APLF: variants seen among roughly 807,000 people sequenced by gnomAD.
APLF encodes aprataxin and PNKP like factor, also known as aprataxin and PNK-like factor.
In APLF, 61 loss-of-function variants were observed where a neutral mutation model predicts 55.6. That is an observed-to-expected ratio of 1.10 (90% CI 0.89 to 1.36). The LOEUF (loss-of-function observed/expected upper bound fraction) is 1.36, where lower values mean the gene tolerates loss of function less well. Among genes scored for constraint, APLF ranks in the 40% most tolerant of loss-of-function variants. APLF has a pLI of 0.00. For missense variants in APLF, 611 were observed against 602.5 expected (o/e 1.01, Z -0.15); for synonymous variants, 207 against 214.8 (o/e 0.96, Z 0.32).
At chr2:68,491,639 TA>T (rs1341633160) in intron 2 of APLF, among the ~76,000 whole-genome samples, 1 of 152,206 alleles carries the variant, frequency 6.6e-6, no homozygotes, top group Non-Finnish European at 1.5e-5. Flanking sequence ...ATTTTTTATT[TA>T]TATAGATTTA....
rs58837839 is a variant in APLF, at chr2:68,511,199, T to G, written c.342-1881T>G. Among the ~76,000 whole-genome samples, 1,413 of 151,872 alleles carry G rather than the reference T, an allele frequency of 9.3e-3. 16 individuals carry two copies. The highest frequency in any genetic ancestry group is 0.032 in the African/African-American group (1,319 of 41,510). On this transcript the variant is annotated intron_variant, in intron 3 of 9. Coordinates refer to ENST00000303795, the MANE Select transcript of APLF (RefSeq NM_173545.3). ...GGATTATTTTTCAATAAAGCAGTTATAAAAAAGGATAACTCAATTACCTTT... is the reference window on the plus strand; with the variant it reads ...GGATTATTTTTCAATAAAGCAGTTAGAAAAAAGGATAACTCAATTACCTTT...
intron 1 of APLF, among the ~76,000 whole-genome samples, chr2:68,476,902 A>G (rs997471672): frequency 3.7e-4 from 57 of 152,210 alleles, no homozygotes; most frequent in African/African-American, 1.4e-3. Context: ...ACTTCTATGC[A>G]GATTCAACAA....
chr2:68,477,947 T>TA (rs1240237098), intron 1 of APLF, among the ~76,000 whole-genome samples: 1 of 151,932 alleles, frequency 6.6e-6, no homozygotes, highest in Admixed American at 6.6e-5. Flanking sequence ...GTGGGATTGT[T>TA]ACAATACAAG....
Position 68,579,065 on chromosome 2 carries a change from T to A in APLF, c.*1043T>A. The A allele has an allele frequency of 1.0e-6, 1 of 983,960 alleles. No individual in the cohort carries two copies. The allele number at this position is 983,960 out of a possible 1,614,324, so 61.0% of individuals were successfully genotyped here. On this transcript the variant is annotated 3_prime_UTR_variant, in exon 10 of 10. Coordinates refer to ENST00000303795, the MANE Select transcript of APLF (RefSeq NM_173545.3). Reference sequence around the variant, plus strand: ...TGTACACAGAGCAGGAGATATTTATTGAAATCATAAATCACTAAGCCAAAA... The same window carrying A: ...TGTACACAGAGCAGGAGATATTTATAGAAATCATAAATCACTAAGCCAAAA...
intron 1 of APLF, among the ~76,000 whole-genome samples, chr2:68,478,722 A>G (rs1043124198): frequency 2.7e-5 from 4 of 149,988 alleles, no homozygotes; most frequent in Non-Finnish European, 4.5e-5. Flanking sequence ...CCTACTCTGG[A>G]AAAAAAAAAT....
At chr2:68,545,448 T>A in intron 8 of APLF, 136 bp downstream of exon 8, 1 of 1,119,718 alleles carries the variant, frequency 8.9e-7, no homozygotes, top group Non-Finnish European at 1.2e-6. Flanking sequence ...CAGGTTTTCA[T>A]GTTGGTAATA....
At chr2:68,517,735 A>G (rs1009570441) in intron 5 of APLF, among the ~76,000 whole-genome samples, 10 of 145,414 alleles carry the variant, frequency 6.9e-5, no homozygotes, top group African/African-American at 2.5e-4. Flanking sequence ...ATATATAACT[A>G]ATATATCACT....
chr2:68,535,897 A>C (rs1670372461), intron 6 of APLF, among the ~76,000 whole-genome samples: 2 of 152,188 alleles, frequency 1.3e-5, no homozygotes, highest in African/African-American at 4.8e-5. Context: ...TCTAAAATCA[A>C]GAGAAGAGGG....
At chr2:68,556,017 T>A (rs1030375831) in intron 8 of APLF, among the ~76,000 whole-genome samples, 2 of 152,150 alleles carry the variant, frequency 1.3e-5, no homozygotes, top group Non-Finnish European at 2.9e-5. Context: ...ACTACTCAAC[T>A]GTAAGAAGGA....
chr2:68,501,070 G>C (rs892865508), intron 2 of APLF, among the ~76,000 whole-genome samples: 1 of 152,162 alleles, frequency 6.6e-6, no homozygotes, highest in Non-Finnish European at 1.5e-5. Flanking sequence ...GCAATCTTGT[G>C]TATAGTTTGA....
intron 3 of APLF, among the ~76,000 whole-genome samples, chr2:68,505,771 G>C (rs1331167527): frequency 6.6e-6 from 1 of 151,998 alleles, no homozygotes; most frequent in Non-Finnish European, 1.5e-5. Context: ...ACATGTTCTT[G>C]TTCACCAACC....
Position 68,538,189 on chromosome 2 carries a change from C to T in APLF, c.1122C>T (p.Val374=). Residue 374 remains valine, a synonymous_variant, in exon 7 of 10, where the codon GTC becomes GTT. Transcript: ENST00000303795. ...SVLQGSEGNK[V]KRTSCMYGAN... Reference sequence around the variant, plus strand: ...TACAAGGTTCTGAAGGAAACAAGGTCAAGAGGACATCCTGCATGTATGGGG... The same window carrying T: ...TACAAGGTTCTGAAGGAAACAAGGTTAAGAGGACATCCTGCATGTATGGGG... 1 of 1,611,746 alleles carries T rather than the reference C, an allele frequency of 6.2e-7. No homozygotes were observed.
At chr2:68,521,248 G>A (rs1208384522) in intron 5 of APLF, among the ~76,000 whole-genome samples, 2 of 151,698 alleles carry the variant, frequency 1.3e-5, no homozygotes, top group Non-Finnish European at 2.9e-5. Flanking sequence ...TGCATCTCTT[G>A]GGTTTTCTAG....
At chr2:68,564,008 C>G (rs1051833154) in intron 8 of APLF, among the ~76,000 whole-genome samples, 4 of 151,892 alleles carry the variant, frequency 2.6e-5, no homozygotes, top group African/African-American at 9.7e-5. Context: ...ATAAAATTTA[C>G]TGAAAATCTC....
At chr2:68,478,683 A>T (rs941176943) in intron 1 of APLF, among the ~76,000 whole-genome samples, 15 of 152,200 alleles carry the variant, frequency 9.9e-5, no homozygotes, top group African/African-American at 3.6e-4. Flanking sequence ...TGTCTGTCTG[A>T]ACAGGTTTTT....
At chr2:68,566,219 A>C (rs1241280053) in intron 8 of APLF, among the ~76,000 whole-genome samples, 2 of 152,144 alleles carry the variant, frequency 1.3e-5, no homozygotes, top group Non-Finnish European at 2.9e-5. Context: ...TTGAAAAGAA[A>C]GAAAATGAAG....
At position 68,579,543 on chromosome 2, in the gene APLF, C is replaced by G. The variant is rs377139721; in HGVS notation, c.*1521C>G. 1,180 of 254,280 alleles carry G rather than the reference C, an allele frequency of 4.6e-3. 13 individuals carry two copies. Among genetic ancestry groups the G allele is most frequent in the African/African-American group, 0.032 (1,126 of 34,668 alleles). The allele number at this position is 254,280 out of a possible 1,614,324, so 15.8% of individuals were successfully genotyped here. A position where few individuals can be genotyped will look rare whatever the true frequency, so the allele number is the denominator to read the frequency against. ...GCCAAAAAGTATAAACACCCAAAGT[C>G]TATCAACTATCAACTGGGTGAATGG... On this transcript the variant is annotated 3_prime_UTR_variant, in exon 10 of 10. Coordinates refer to ENST00000303795, the MANE Select transcript of APLF (RefSeq NM_173545.3).
chr2:68,530,241 A>G (rs1312113180), intron 6 of APLF, among the ~76,000 whole-genome samples: 6 of 152,068 alleles, frequency 3.9e-5, no homozygotes, highest in African/African-American at 1.2e-4. Context: ...ATCTATTCTT[A>G]TTTTTTCCTG....
At chr2:68,526,300 T>C (rs1670044373) in intron 6 of APLF, 58 bp downstream of exon 6, 3 of 1,535,878 alleles carry the variant, frequency 2.0e-6, no homozygotes, top group Non-Finnish European at 2.7e-6. Context: ...TAGATAGAAA[T>C]TAATCATATG....
Sources: allele counts gnomAD v4.1 joint callset (sites outside exome capture counted in the v4.1 genomes callset), GRCh38; gene constraint gnomAD v4.1.1; transcripts MANE v1.5; gene names NCBI Gene and HGNC (gene_info 2026-07-23, HGNC 2026-07-21).